Variants in RGMB observed in about 807,000 individuals in gnomAD.
RGMB encodes the protein repulsive guidance molecule BMP co-receptor b, also known as repulsive guidance molecule B.
In RGMB, 16 loss-of-function variants were observed where a neutral mutation model predicts 26.9. The ratio of observed to expected loss-of-function variants is 0.60; its 90% CI spans 0.40 to 0.90. The LOEUF (loss-of-function observed/expected upper bound fraction) is 0.90, where lower values mean the gene tolerates loss of function less well. Among genes scored for constraint, RGMB ranks in the 40% least tolerant of loss-of-function variants. RGMB has a pLI of 0.00. For missense variants in RGMB, 512 were observed against 573.3 expected, an observed-to-expected ratio of 0.89 and a Z score of 1.09; for synonymous variants, 225 against 229.3, an observed-to-expected ratio of 0.98 and a Z score of 0.17.
intron 1 of RGMB, among the ~76,000 whole-genome samples, chr5:98,779,218 T>C (rs1386688268): frequency 2.7e-5 from 4 of 150,114 alleles, no homozygotes; most frequent in Admixed American, 6.6e-5. Flanking sequence ...TTCATGTTTT[T>C]GGCGTAACCT....
At chr5:98,770,470 G>C, upstream of RGMB, 2 of 434,600 alleles carry the variant, frequency 4.6e-6, no homozygotes, top group Non-Finnish European at 8.1e-6. Flanking sequence ...GAGCAGCGGC[G>C]GAGCCCGCAG....
At chr5:98,793,033 C>G in intron 2 of RGMB, 52 bp from the exon 3 acceptor site, 1 of 1,442,744 alleles carries the variant, frequency 6.9e-7, no homozygotes, top group Non-Finnish European at 9.4e-7. Context: ...AGGGTTACCC[C>G]GTTCTGCTTC....
intron 2 of RGMB, among the ~76,000 whole-genome samples, chr5:98,783,611 A>C (rs545219951): frequency 3.9e-5 from 6 of 152,276 alleles, no homozygotes; most frequent in Non-Finnish European, 7.4e-5. Flanking sequence ...TTGTTCATTC[A>C]TTCTGTGGAT....
rs1269664407 is a variant in RGMB at position 98,774,132 on chromosome 5, G to A, written c.62G>A (p.Arg21His). The part of the protein sequence containing the change: ...AAAAAEVEQR[R>H]SPGLCPPPLE... ...GCCGCCGCCGAGGTTGAGCAGCGCC[G>A]CAGCCCCGGGCTCTGCCCCCCGCCG... is the stretch of plus-strand genomic sequence containing the variant. The change falls in exon 1 of 3, where the codon CGC becomes CAC. Residue 21 changes from arginine to histidine, a missense_variant. Arg to His is a conservative substitution (Grantham distance 29, BLOSUM62 0). Transcript: ENST00000513185. 1 of 1,461,830 alleles carries A rather than the reference G, an allele frequency of 6.8e-7. No homozygotes were observed. Among genetic ancestry groups the A allele is most frequent in the Non-Finnish European group, 9.1e-7 (1 of 1,096,112 alleles). 90.6% of individuals were successfully genotyped at this position (1,461,830 alleles called of 1,614,324 possible).
rs1747017767 is a variant in RGMB, at chr5:98,793,678, TG to T, written c.1242del (p.Thr415LeufsTer12). 6 of 1,613,542 alleles carry T rather than the reference TG, an allele frequency of 3.7e-6. No homozygotes were observed. Among genetic ancestry groups the T allele is most frequent in the Non-Finnish European group, 5.1e-6 (6 of 1,179,678 alleles). ...RWHIFPSSGN[G>X]TPRGGSDLSV... The stretch of plus-strand genomic sequence containing the variant: ...GGCACATTTTCCCCAGCAGTGGCAA[TG>T]GGACTCCCCGTGGAGGCAGTGATTT... On this transcript the variant is annotated frameshift_variant, in exon 3 of 3. Coordinates refer to ENST00000513185, the MANE Select transcript of RGMB (RefSeq NM_001366508.1). LOFTEE classifies it low-confidence loss of function (END_TRUNC).
chr5:98,775,891 G>A (rs1475293628), intron 1 of RGMB, among the ~76,000 whole-genome samples: 1 of 152,222 alleles, frequency 6.6e-6, no homozygotes, highest in African/African-American at 2.4e-5. Context: ...CGCTCCTTTT[G>A]AGAGATTTCT....
chr5:98,778,574 AAC>A (rs1330074859), intron 1 of RGMB, among the ~76,000 whole-genome samples: 1 of 152,186 alleles, frequency 6.6e-6, no homozygotes, highest in Admixed American at 6.5e-5. Context: ...GATGACAAAG[AAC>A]AGTGTCTCTT....
At chr5:98,776,110 G>C (rs1561437453) in intron 1 of RGMB, among the ~76,000 whole-genome samples, 1 of 152,212 alleles carries the variant, frequency 6.6e-6, no homozygotes, top group Non-Finnish European at 1.5e-5. Flanking sequence ...TTGTGCTGCA[G>C]ATTCACACGT....
rs926512100 is a variant in RGMB, at chr5:98,792,931, T to C, written c.646-154T>C. On this transcript the variant is annotated intron_variant, in intron 2 of 2. Coordinates refer to ENST00000513185, the MANE Select transcript of RGMB (RefSeq NM_001366508.1). The stretch of plus-strand genomic sequence containing the variant: ...TTTAAAAAATATTTTCTGAAAGTGA[T>C]ATCCATTTTTGAGGTGCAAGCAGTT... The C allele has an allele frequency of 9.0e-6, 5 of 557,488 alleles. No homozygotes were observed. In the African/African-American group the frequency reaches 9.3e-5, roughly 10 times the overall value. The allele number at this position is 557,488 out of a possible 1,614,324, so 34.5% of individuals were successfully genotyped here.
intron 1 of RGMB, among the ~76,000 whole-genome samples, chr5:98,774,597 C>T (rs1352671783): frequency 1.3e-5 from 2 of 152,210 alleles, no homozygotes; most frequent in East Asian, 1.9e-4. Flanking sequence ...CCGTCGCAGC[C>T]GCCTCGGAGG....
intron 2 of RGMB, among the ~76,000 whole-genome samples, chr5:98,786,719 A>G (rs1276741485): frequency 6.6e-6 from 1 of 152,210 alleles, no homozygotes; most frequent in East Asian, 1.9e-4. Context: ...CATACTGACA[A>G]GGAAGCTGGC....
intron 2 of RGMB, chr5:98,780,833 C>T (rs999070274): frequency 2.0e-5 from 3 of 152,090 alleles, no homozygotes; most frequent in African/African-American, 7.2e-5. Context: ...TTCAAGGCAC[C>T]AGTGTTTAGT....
At chr5:98,786,535 C>G (rs1746771349) in intron 2 of RGMB, among the ~76,000 whole-genome samples, 2 of 152,190 alleles carry the variant, frequency 1.3e-5, no homozygotes. Flanking sequence ...TCTATTAATG[C>G]TAACCAGTTT....
upstream of RGMB, chr5:98,772,792 A>C (rs1292025472): frequency 4.6e-5 from 7 of 152,240 alleles, no homozygotes; most frequent in Non-Finnish European, 2.9e-5. Flanking sequence ...TGGAAAATTT[A>C]AATAATCTGT....
chr5:98,784,429 A>G (rs1342150774), intron 2 of RGMB, among the ~76,000 whole-genome samples: 1 of 152,194 alleles, frequency 6.6e-6, no homozygotes, highest in African/African-American at 2.4e-5. Context: ...TCTTCTTCAA[A>G]CTCTGTAACC....
chr5:98,783,329 TC>T (rs776306705), intron 2 of RGMB, among the ~76,000 whole-genome samples: 1 of 152,132 alleles, frequency 6.6e-6, no homozygotes, highest in Non-Finnish European at 1.5e-5. Context: ...TGGGCCATCT[TC>T]CCCACCTTTG....
rs1746265969 is a variant in RGMB at position 98,773,751 on chromosome 5, GC to G, written c.-318del. On this transcript the variant is annotated 5_prime_UTR_variant, in exon 1 of 3. Coordinates refer to ENST00000513185, the MANE Select transcript of RGMB (RefSeq NM_001366508.1). ...GCCCGCCGAGCCCACGCTGGCTGGG[GC>G]CGGGGTGCCGGCGCGCTCGGGACTC... 2 of 382,888 alleles carry G rather than the reference GC, an allele frequency of 5.2e-6. No individual in the cohort carries two copies. Among genetic ancestry groups the G allele is most frequent in the South Asian group, 2.2e-4 (2 of 8,932 alleles). 23.7% of individuals were successfully genotyped at this position (382,888 alleles called of 1,614,324 possible).
Position 98,779,723 on chromosome 5 carries a change from C to A in RGMB, c.280C>A (p.Arg94=). 3 of 1,612,656 alleles carry A rather than the reference C, an allele frequency of 1.9e-6. No homozygotes were observed. Among genetic ancestry groups the A allele is most frequent in the Non-Finnish European group, 2.5e-6 (3 of 1,178,892 alleles). ...GCGTGCCTATGCTGGCTGCACCCAG[C>A]GAACTTCAAAAGCCTGCCGTGGCAA... ...ALRAYAGCTQ[R]TSKACRGNLV... is the part of the protein sequence containing the mutation. Residue 94 remains arginine (R), a synonymous_variant, in exon 2 of 3, where the codon CGA becomes AGA. Coordinates refer to ENST00000513185, the MANE Select transcript of RGMB (RefSeq NM_001366508.1).
upstream of RGMB, chr5:98,772,898 C>G (rs1414370398): frequency 6.6e-6 from 1 of 152,206 alleles, no homozygotes; most frequent in Non-Finnish European, 1.5e-5. Flanking sequence ...TGTAACCGAA[C>G]GTTGAAGTTT....
Sources: allele counts gnomAD v4.1 joint callset (sites outside exome capture counted in the v4.1 genomes callset), GRCh38; gene constraint gnomAD v4.1.1; transcripts MANE v1.5; gene names NCBI Gene and HGNC (gene_info 2026-07-23, HGNC 2026-07-21).